The following RPH3A variants were observed in gnomAD, a reference collection of about 807,000 sequenced individuals.
RPH3A encodes rabphilin 3A.
Under a neutral mutation model 102.2 loss-of-function variants are expected in RPH3A, and 48 were observed. The ratio of observed to expected loss-of-function variants is 0.47; its 90% CI spans 0.37 to 0.60. The LOEUF (loss-of-function observed/expected upper bound fraction) is 0.60, where lower values mean the gene tolerates loss of function less well. Ranked by LOEUF, RPH3A falls within the 20% of genes least tolerant of loss-of-function variation. The pLI is 0.00. For missense variants in RPH3A, 781 were observed against 910.1 expected, an observed-to-expected ratio of 0.86 and a Z score of 1.83; for synonymous variants, 310 against 324.3, an observed-to-expected ratio of 0.96 and a Z score of 0.47.
rs368876019 is a variant in RPH3A, at chr12:112,577,378, A to G, written c.-140+2059A>G. On this transcript the variant is annotated intron_variant, in intron 1 of 21. Transcript: ENST00000543106. Reference sequence around the variant, plus strand: ...GGTAACTTCCTGATGTTGCCATGGTATTTGTAACTGTCATGCTGCCGGTGA... The same window carrying G: ...GGTAACTTCCTGATGTTGCCATGGTGTTTGTAACTGTCATGCTGCCGGTGA... 7.2e-5 allele frequency among the ~76,000 whole-genome samples: 11 copies of G among 152,128 alleles called. No homozygotes were observed. The East Asian group carries it at 7.7e-4, about 11-fold the overall frequency.
At chr12:112,702,532 C>A (rs1277951243) in intron 1 of RPH3A, among the ~76,000 whole-genome samples, 1 of 152,220 alleles carries the variant, frequency 6.6e-6, no homozygotes, top group Non-Finnish European at 1.5e-5. Flanking sequence ...GTGGCTTGCC[C>A]AAGCCCACAT....
At chr12:112,667,000 G>A (rs987045751) in intron 1 of RPH3A, among the ~76,000 whole-genome samples, 5 of 152,094 alleles carry the variant, frequency 3.3e-5, no homozygotes, top group Non-Finnish European at 7.4e-5. Context: ...ATAAAGACCT[G>A]AATCCTCACC....
At chr12:112,576,900 C>A (rs1202212045) in intron 1 of RPH3A, among the ~76,000 whole-genome samples, 2 of 96,828 alleles carry the variant, frequency 2.1e-5, no homozygotes, top group South Asian at 4.6e-4. Flanking sequence ...TCTTTTTTTT[C>A]TTTTCTTCCT....
intron 1 of RPH3A, among the ~76,000 whole-genome samples, chr12:112,598,778 C>G (rs892929817): frequency 1.3e-5 from 2 of 152,124 alleles, no homozygotes; most frequent in Admixed American, 1.3e-4. Flanking sequence ...CTGGGGACAG[C>G]TTTAAGAAGG....
chr12:112,866,744 G>A lies in RPH3A; in HGVS notation c.361-13G>A, dbSNP rs1479467389. The A allele has an allele frequency of 6.2e-7, 1 of 1,606,076 alleles. No individual in the cohort carries two copies. On this transcript the variant is annotated splice_polypyrimidine_tract_variant and intron_variant, in intron 6 of 21. Transcript: ENST00000389385. ...TGGCTCATCTGAGTGTGTTGGCTGT[G>A]TTTCATCCACAGAACGTCTGCACCA...
At chr12:112,770,264 C>T (rs2040918615) in intron 1 of RPH3A, among the ~76,000 whole-genome samples, 1 of 152,060 alleles carries the variant, frequency 6.6e-6, no homozygotes, top group Non-Finnish European at 1.5e-5. Flanking sequence ...AATGGAGTGG[C>T]TGTCTCAGAA....
At chr12:112,607,207 A>G (rs1053599971) in intron 1 of RPH3A, among the ~76,000 whole-genome samples, 2 of 152,198 alleles carry the variant, frequency 1.3e-5, no homozygotes, top group African/African-American at 4.8e-5. Flanking sequence ...TGTAAAATGC[A>G]TGGGTTCAAT....
intron 1 of RPH3A, among the ~76,000 whole-genome samples, chr12:112,585,742 A>G (rs948901768): frequency 6.7e-6 from 1 of 149,170 alleles, no homozygotes; most frequent in Admixed American, 6.6e-5. Flanking sequence ...GTCTCAAAGA[A>G]AAAAAAAAGT....
chr12:112,674,852 G>A (rs1792174172), intron 1 of RPH3A, among the ~76,000 whole-genome samples: 1 of 152,024 alleles, frequency 6.6e-6, no homozygotes, highest in South Asian at 2.1e-4. Flanking sequence ...GGGTTTATTT[G>A]GGGGAAAAAA....
At chr12:112,635,268 T>C (rs2039839811) in intron 1 of RPH3A, among the ~76,000 whole-genome samples, 1 of 152,216 alleles carries the variant, frequency 6.6e-6, no homozygotes, top group South Asian at 2.1e-4. Flanking sequence ...TATGGGCTGT[T>C]GTTTGGTATT....
At chr12:112,827,539 G>T (rs1003812893) in intron 2 of RPH3A, among the ~76,000 whole-genome samples, 2 of 152,186 alleles carry the variant, frequency 1.3e-5, no homozygotes, top group African/African-American at 4.8e-5. Context: ...GACCAAGGAG[G>T]AGTCAATTGC....
At chr12:112,869,672 A>G (rs570689092) in intron 8 of RPH3A, 87 bp from the exon 9 acceptor site, 66 of 1,267,280 alleles carry the variant, frequency 5.2e-5, no homozygotes, top group Non-Finnish European at 6.6e-5. Context: ...GCAATAGTCA[A>G]TGAACCCCTT....
chr12:112,592,423 G>T (rs233724), intron 1 of RPH3A, among the ~76,000 whole-genome samples: 3 of 151,832 alleles, frequency 2.0e-5, no homozygotes, highest in African/African-American at 7.3e-5. Flanking sequence ...GGTTCAAGCG[G>T]CTCTTCTGCC....
At chr12:112,877,001 C>G (rs1463528377) in intron 13 of RPH3A, 135 bp downstream of exon 13, 1 of 529,370 alleles carries the variant, frequency 1.9e-6, no homozygotes, top group African/African-American at 2.0e-5. Context: ...ACATATTAAC[C>G]AAGTGATAGA....
chr12:112,871,585 C>G (rs1046943715), intron 10 of RPH3A, among the ~76,000 whole-genome samples: 1 of 151,936 alleles, frequency 6.6e-6, no homozygotes, highest in Admixed American at 6.6e-5. Context: ...AAAACCAGAC[C>G]TTGACGGTGA....
rs554682267 is a variant in RPH3A, at chr12:112,774,649, C to T, written c.-139-17494C>T. 5.3e-5 allele frequency among the ~76,000 whole-genome samples: 8 copies of T among 152,250 alleles called. 1 individual carries two copies. The East Asian group carries it at 1.5e-3, about 29-fold the overall frequency. Reference sequence around the variant, plus strand: ...TTTGCACATGGATGAAGCTGGAAGCCATTATCCTCAGCAAACTAATGCAGG... The same window carrying T: ...TTTGCACATGGATGAAGCTGGAAGCTATTATCCTCAGCAAACTAATGCAGG... On this transcript the variant is annotated intron_variant, in intron 1 of 21. Coordinates refer to the RPH3A transcript ENST00000543106.
chr12:112,803,193 C>T (rs956188826), intron 2 of RPH3A, among the ~76,000 whole-genome samples: 2 of 152,096 alleles, frequency 1.3e-5, no homozygotes, highest in East Asian at 1.9e-4. Flanking sequence ...TCTCTGATGC[C>T]CTGAGGGGCT....
At chr12:112,750,692 C>T (rs955341507) in intron 1 of RPH3A, among the ~76,000 whole-genome samples, 2 of 152,148 alleles carry the variant, frequency 1.3e-5, no homozygotes, top group Non-Finnish European at 1.5e-5. Flanking sequence ...CCTTAACTTT[C>T]GTTCCATGTC....
chr12:112,627,584 G>A (rs530630731), intron 1 of RPH3A, among the ~76,000 whole-genome samples: 55 of 151,844 alleles, frequency 3.6e-4, no homozygotes, highest in Non-Finnish European at 6.0e-4. Flanking sequence ...ACTCTTCTAG[G>A]TGGCAAGAAC....
Sources: gnomAD v4.1 joint callset for allele counts (sites outside exome capture counted in the v4.1 genomes callset) on GRCh38, gnomAD v4.1.1 for gene constraint, MANE v1.5 for transcripts, NCBI Gene and HGNC (gene_info 2026-07-23, HGNC 2026-07-21) for gene names.